NRAP: variants seen among roughly 807,000 people sequenced by gnomAD.
NRAP encodes the protein nebulin related anchoring protein, also known as nebulin-related-anchoring protein.
A neutral mutation model predicts 225.9 loss-of-function variants in NRAP; 189 were observed. That is an observed-to-expected ratio of 0.84 (90% CI 0.74 to 0.94). The LOEUF (loss-of-function observed/expected upper bound fraction) is 0.94. Among genes scored for constraint, NRAP ranks in the 40% least tolerant of loss-of-function variants. NRAP has a pLI of 0.00. For synonymous variants in NRAP, 769 were observed against 790.7 expected, an observed-to-expected ratio of 0.97 and a Z score of 0.46; for missense variants, 2,176 against 2,168.7, an observed-to-expected ratio of 1.00 and a Z score of -0.07.
Position 113,651,815 on chromosome 10 carries a change from C to G in NRAP, c.663G>C (p.Gln221His), listed in dbSNP as rs1348395849. 6.2e-7 allele frequency: 1 copy of G among 1,609,736 alleles called. No individual in the cohort carries two copies. Among genetic ancestry groups the G allele is most frequent in the African/African-American group, 1.3e-5 (1 of 74,940 alleles). The change falls in exon 7 of 42, where the codon CAG becomes CAC. Residue 221 changes from glutamine (Q) to histidine (H), a missense_variant. Around this residue, in one of 3 missense-constraint regions of NRAP, gnomAD observed 1,708 missense variants for 1,695.5 expected, o/e 1.01. Coordinates refer to ENST00000359988, the MANE Select transcript of NRAP (RefSeq NM_198060.4). ...CCTCCTTTCTTACATCACTTTGAAGCTGTGCCCCAGCCTTGCTCCGTAGCA... is the reference window on the plus strand; with the variant it reads ...CCTCCTTTCTTACATCACTTTGAAGGTGTGCCCCAGCCTTGCTCCGTAGCA... Reference protein sequence around the residue: ...PELLRSKAGAQLQSDVRYTED... With the variant: ...PELLRSKAGAHLQSDVRYTED...
rs111414181 is a variant in NRAP, at chr10:113,612,233, C to G, written c.3498+1G>C. 1 of 1,613,862 alleles carries G rather than the reference C, an allele frequency of 6.2e-7. No individual in the cohort carries two copies. The highest frequency in any genetic ancestry group is 8.5e-7 in the Non-Finnish European group (1 of 1,179,806). On this transcript the variant is annotated splice_donor_variant, in intron 30 of 41. Coordinates refer to ENST00000359988, the MANE Select transcript of NRAP (RefSeq NM_198060.4). LOFTEE classifies it high-confidence loss of function. ...CTGAGAAAGAGGCCAGGTCTCCTTA[C>G]CTCACTCTGCAATTTGTGAGCTTTC...
In NRAP at chr10:113,590,669, A is replaced by G. The variant is rs1264268247; in HGVS notation, c.4865T>C (p.Val1622Ala). 2 of 1,614,054 alleles carry G rather than the reference A, an allele frequency of 1.2e-6. No individual in the cohort carries two copies. Among genetic ancestry groups the G allele is most frequent in the Non-Finnish European group, 1.7e-6 (2 of 1,180,038 alleles). ...CTGGGGCAGGGGCTGCCTGTAGTGC[A>G]CATCACTGGCCAGCTGCTGGCTCCT... ...AKRSQQLASDVHYRQPLPQPT... is the reference protein window; with the variant it reads ...AKRSQQLASDAHYRQPLPQPT... The change falls in exon 40 of 42, where the codon GTG becomes GCG. Residue 1622 changes from valine (V) to alanine (A), a missense_variant. Physicochemically the swap from Val to Ala is moderately conservative, Grantham distance 64. This residue lies in a region of NRAP where 445 missense variants were observed against 426.1 expected (regional missense o/e 1.04). Transcript: ENST00000359988.
chr10:113,626,889 C>T (rs532121353), intron 20 of NRAP, among the ~76,000 whole-genome samples: 5 of 152,306 alleles, frequency 3.3e-5, no homozygotes, highest in Admixed American at 6.5e-5. Context: ...GTCCCCCCTC[C>T]GGGACTTCTT....
intron 14 of NRAP, among the ~76,000 whole-genome samples, chr10:113,635,666 G>T (rs1848828923): frequency 6.6e-6 from 1 of 152,120 alleles, no homozygotes; most frequent in Admixed American, 6.5e-5. Flanking sequence ...GGCCTCAAGG[G>T]ATCCTCCCAC....
chr10:113,630,025 T>G (rs1280638471), intron 18 of NRAP, among the ~76,000 whole-genome samples: 1 of 152,128 alleles, frequency 6.6e-6, no homozygotes, highest in South Asian at 2.1e-4. Context: ...GCTAAACCTT[T>G]TCACCCGGCT....
Position 113,597,993 on chromosome 10 carries a change from C to A in NRAP, c.4308G>T (p.Lys1436Asn). The A allele has an allele frequency of 6.2e-7, 1 of 1,613,416 alleles. No homozygotes were observed. Among genetic ancestry groups the A allele is most frequent in the Non-Finnish European group, 8.5e-7 (1 of 1,179,554 alleles). The stretch of plus-strand genomic sequence containing the variant: ...CCTCGCTGATGAGTTCTCCAGCCTT[C>A]TTTGCACTCTCCATCTGTGGGGATC... ...ALRSPQMESA[K>N]KAGELISETK... Residue 1436 changes from lysine to asparagine, a missense_variant, in exon 36 of 42, where the codon AAG becomes AAT. Physicochemically the swap from Lys to Asn is moderately conservative, Grantham distance 94 (BLOSUM62 0). Around this residue, in one of 3 missense-constraint regions of NRAP, gnomAD observed 445 missense variants for 426.1 expected, o/e 1.04. Transcript: ENST00000359988.
At chr10:113,630,662 G>A (rs1482046427) in intron 18 of NRAP, among the ~76,000 whole-genome samples, 1 of 152,184 alleles carries the variant, frequency 6.6e-6, no homozygotes, top group African/African-American at 2.4e-5. Context: ...AAACACCAAT[G>A]TGTTCTGTCT....
intron 12 of NRAP, among the ~76,000 whole-genome samples, chr10:113,641,918 G>T (rs926025990): frequency 6.6e-6 from 1 of 152,152 alleles, no homozygotes; most frequent in East Asian, 1.9e-4. Flanking sequence ...GACAAAACCT[G>T]AGCTTTGCCA....
intron 4 of NRAP, among the ~76,000 whole-genome samples, chr10:113,655,691 C>T (rs1462437188): frequency 6.6e-6 from 1 of 152,172 alleles, no homozygotes; most frequent in East Asian, 1.9e-4. Flanking sequence ...CTCAGGTGAT[C>T]CACCCACCTT....
intron 32 of NRAP, among the ~76,000 whole-genome samples, chr10:113,607,484 T>TTGCTGAG (rs1371350844): frequency 6.7e-6 from 1 of 149,532 alleles, no homozygotes; most frequent in Non-Finnish European, 1.5e-5. Flanking sequence ...GGGTCTATGG[T>TTGCTGAG]TGCTGAGTTG....
intron 14 of NRAP, among the ~76,000 whole-genome samples, chr10:113,637,881 C>A (rs1848969817): frequency 1.3e-5 from 2 of 151,536 alleles, no homozygotes; most frequent in Non-Finnish European, 2.9e-5. Context: ...GAGATCGCAC[C>A]ATTACACTCC....
intron 40 of NRAP, 33 bp from the exon 41 acceptor site, chr10:113,589,830 T>G (rs750721103): frequency 2.5e-5 from 40 of 1,609,498 alleles, no homozygotes; most frequent in Non-Finnish European, 3.4e-5. Flanking sequence ...GAGGAATATG[T>G]CAGCAGGGTT....
At chr10:113,634,560 G>A (rs1160743019) in intron 14 of NRAP, among the ~76,000 whole-genome samples, 1 of 152,208 alleles carries the variant, frequency 6.6e-6, no homozygotes, top group Non-Finnish European at 1.5e-5. Context: ...AACACAAAGT[G>A]TTGGCAAAGG....
chr10:113,613,103 C>T (rs1847431271), intron 29 of NRAP, among the ~76,000 whole-genome samples: 1 of 152,188 alleles, frequency 6.6e-6, no homozygotes, highest in African/African-American at 2.4e-5. Context: ...TCCTCATCCT[C>T]CTTTGTCCTT....
Position 113,640,324 on chromosome 10 carries a change from T to C in NRAP, c.1331A>G (p.Tyr444Cys). ...KVGSLASNVAYKADYKHDIVD... is the reference protein window; with the variant it reads ...KVGSLASNVACKADYKHDIVD... ...AATATCATGTTTATAATCAGCTTTGTAGGCAACCTAAAACAGGAAGAAAAG... is the reference window on the plus strand; with the variant it reads ...AATATCATGTTTATAATCAGCTTTGCAGGCAACCTAAAACAGGAAGAAAAG... The change falls in exon 14 of 42, where the codon TAC becomes TGC. Residue 444 changes from tyrosine (Y) to cysteine (C), a missense_variant. By Grantham distance (194) the Tyr-to-Cys change is radical (BLOSUM62 -2). Coordinates refer to ENST00000359988, the MANE Select transcript of NRAP (RefSeq NM_198060.4). 5 of 1,568,720 alleles carry C rather than the reference T, an allele frequency of 3.2e-6. No homozygotes were observed. The highest frequency in any genetic ancestry group is 4.3e-6 in the Non-Finnish European group (5 of 1,152,964).
chr10:113,619,902 G>A lies in NRAP; in HGVS notation c.2874+702C>T, dbSNP rs12778063. On this transcript the variant is annotated intron_variant, in intron 25 of 41. Transcript: ENST00000359988. ...CCTGGGGGGCTTTCGGCAATGTCTC[G>A]ATCCATTTTTGGTTGTCACAGAGGG... Among the ~76,000 whole-genome samples the A allele has an allele frequency of 3.9e-5, 6 of 152,228 alleles. No homozygotes were observed. The East Asian group carries it at 7.7e-4, about 20-fold the overall frequency.
chr10:113,613,424 A>G (rs566699115), intron 29 of NRAP, among the ~76,000 whole-genome samples: 5 of 152,266 alleles, frequency 3.3e-5, no homozygotes, highest in South Asian at 2.1e-4. Flanking sequence ...CTACTTCCCT[A>G]TGAGAAAATA....
At chr10:113,648,467 C>CTATATATA (rs1554867329) in intron 9 of NRAP, among the ~76,000 whole-genome samples, 162 of 87,376 alleles carry the variant, frequency 1.9e-3, no homozygotes, top group East Asian at 6.8e-3. Context: ...CTCTCTCTCT[C>CTATATATA]TATATATATA....
intron 18 of NRAP, among the ~76,000 whole-genome samples, chr10:113,630,052 C>G (rs1334117864): frequency 6.6e-6 from 1 of 152,154 alleles, no homozygotes; most frequent in Non-Finnish European, 1.5e-5. Flanking sequence ...GGAGAAAACT[C>G]TATTCCCAAT....
Sources: gnomAD v4.1 joint callset for allele counts (sites outside exome capture counted in the v4.1 genomes callset) on GRCh38, gnomAD v4.1.1 for gene constraint, gnomAD v4.1.1 regional missense constraint, MANE v1.5 for transcripts, NCBI Gene and HGNC (gene_info 2026-07-23, HGNC 2026-07-21) for gene names.